Variants in AHR observed in about 807,000 individuals in gnomAD.
AHR encodes the protein AH-receptor.
In AHR, 40 loss-of-function variants were observed where a neutral mutation model predicts 86.8. The observed-to-expected ratio is 0.46, with a 90% CI of 0.36 to 0.60. AHR has a LOEUF of 0.60. Among genes scored for constraint, AHR ranks in the 20% least tolerant of loss-of-function variants. The pLI is 0.00. For missense variants in AHR, 1,001 were observed against 1,011.6 expected (o/e 0.99, Z 0.14); for synonymous variants, 398 against 354.9 (o/e 1.12, Z -1.37).
At chr7:17,341,060 C>T (rs922697962) in intron 10 of AHR, among the ~76,000 whole-genome samples, 6 of 151,634 alleles carry the variant, frequency 4.0e-5, no homozygotes, top group African/African-American at 1.5e-4. Context: ...ATGCTTTTTC[C>T]ATTAGAAAAT....
At chr7:17,338,913 C>G in intron 9 of AHR, 73 bp from the exon 10 acceptor site, 1 of 1,378,590 alleles carries the variant, frequency 7.3e-7, no homozygotes. Flanking sequence ...TTATGTTTTT[C>G]TTTTTTAAAT....
rs770109628 is a variant in AHR, at chr7:17,327,787, C to T, written c.389C>T (p.Thr130Ile). Residue 130 changes from threonine (T) to isoleucine (I), a missense_variant, in exon 4 of 11, where the codon ACT becomes ATT. Physicochemically the swap from Thr to Ile is moderately conservative, Grantham distance 89 (BLOSUM62 -1). Transcript: ENST00000242057. ...QALNGFVLVV[T>I]TDALVFYASS... Reference sequence around the variant, plus strand: ...CTGAATGGCTTTGTATTAGTTGTCACTACAGATGCTTTGGTCTTTTATGCT... The same window carrying T: ...CTGAATGGCTTTGTATTAGTTGTCATTACAGATGCTTTGGTCTTTTATGCT... 1 of 1,578,888 alleles carries T rather than the reference C, an allele frequency of 6.3e-7. No individual in the cohort carries two copies.
chr7:17,298,852 CCGCGGCGACGGTCACGGGG>C lies in AHR; in HGVS notation c.-405_-387del, dbSNP rs1364729998. On this transcript the variant is annotated 5_prime_UTR_variant, in exon 1 of 11. Transcript: ENST00000242057. ...GGCGGCACCTCCCTCACCCAAGGGG[CCGCGGCGACGGTCACGGGG>C]CGCGGCGCCACCGTGAGCGACCCAG... 1 of 398,820 alleles carries C rather than the reference CCGCGGCGACGGTCACGGGG, an allele frequency of 2.5e-6. No individual in the cohort carries two copies. Among genetic ancestry groups the C allele is most frequent in the African/African-American group, 2.1e-5 (1 of 48,588 alleles). The allele number at this position is 398,820 out of a possible 1,614,324, so 24.7% of individuals were successfully genotyped here.
rs763058807 is a variant in AHR at position 17,343,016 on chromosome 7, G to C, written c.2499G>C (p.Pro833=). ...CACATCTTCAGCCACTTCATCATCC[G>C]TCAGAAGCCAGACCTTTTCCTGATT... is the stretch of plus-strand genomic sequence containing the variant. ...TTTHLQPLHH[P]SEARPFPDLT... Residue 833 remains proline, a synonymous_variant, in exon 11 of 11, where the codon CCG becomes CCC. Transcript: ENST00000242057. 4.3e-6 allele frequency: 7 copies of C among 1,613,652 alleles called. No individual in the cohort carries two copies. The highest frequency in any genetic ancestry group is 2.2e-5 in the East Asian group (1 of 44,842).
chr7:17,325,122 A>G (rs1584036915), intron 3 of AHR, among the ~76,000 whole-genome samples: 2 of 152,336 alleles, frequency 1.3e-5, no homozygotes, highest in East Asian at 1.9e-4. Flanking sequence ...GATCTCTTTT[A>G]TTTAATTAGC....
chr7:17,336,078 T>C (rs1423039068), intron 9 of AHR: 2 of 242,808 alleles, frequency 8.2e-6, no homozygotes, highest in African/African-American at 4.6e-5. Context: ...AAGAAAAATA[T>C]AACAATGCTT....
At chr7:17,304,899 G>A (rs1296379481) in intron 1 of AHR, among the ~76,000 whole-genome samples, 1 of 151,980 alleles carries the variant, frequency 6.6e-6, no homozygotes, top group Non-Finnish European at 1.5e-5. Flanking sequence ...ATGCGGGTTC[G>A]AGGGGGAATA....
chr7:17,304,165 A>G (rs1334135076), intron 1 of AHR, among the ~76,000 whole-genome samples: 1 of 152,164 alleles, frequency 6.6e-6, no homozygotes, highest in Non-Finnish European at 1.5e-5. Flanking sequence ...AGTCAATTAT[A>G]TATGTGGCAC....
At chr7:17,325,986 A>G (rs981747042) in intron 3 of AHR, among the ~76,000 whole-genome samples, 3 of 152,160 alleles carry the variant, frequency 2.0e-5, no homozygotes, top group East Asian at 3.8e-4. Flanking sequence ...CCATGCACCA[A>G]TTTGGGATCG....
chr7:17,335,131 A>C (rs899597756), intron 8 of AHR, 135 bp downstream of exon 8: 27 of 566,400 alleles, frequency 4.8e-5, no homozygotes, highest in African/African-American at 1.9e-5. Flanking sequence ...TATCATTATG[A>C]TTAACCAGGG....
At chr7:17,303,603 C>A (rs1208664257) in intron 1 of AHR, among the ~76,000 whole-genome samples, 1 of 152,012 alleles carries the variant, frequency 6.6e-6, no homozygotes, top group Admixed American at 6.6e-5. Context: ...TTAAAGGCTG[C>A]ATAATACTCT....
intron 1 of AHR, among the ~76,000 whole-genome samples, chr7:17,302,261 G>T (rs1296228009): frequency 6.6e-6 from 1 of 152,002 alleles, no homozygotes; most frequent in Non-Finnish European, 1.5e-5. Context: ...AAGCCATTAT[G>T]AAGTGTCAGA....
chr7:17,307,883 C>T (rs570443119), intron 1 of AHR, among the ~76,000 whole-genome samples: 1 of 152,202 alleles, frequency 6.6e-6, no homozygotes, highest in African/African-American at 2.4e-5. Flanking sequence ...TCTCCTCTAT[C>T]TTGAACATTT....
rs1782444864 is a variant in AHR at position 17,343,197 on chromosome 7, C to G, written c.*133C>G. 1 of 1,099,092 alleles carries G rather than the reference C, an allele frequency of 9.1e-7. No homozygotes were observed. The highest frequency in any genetic ancestry group is 1.6e-5 in the African/African-American group (1 of 62,672). 68.1% of individuals were successfully genotyped at this position (1,099,092 alleles called of 1,614,324 possible). ...TGATGCATGCTATTCACAATTATTC[C>G]AAACCAAATTTTAATTTTTGCTTTT... On this transcript the variant is annotated 3_prime_UTR_variant, in exon 11 of 11. Coordinates refer to ENST00000242057, the MANE Select transcript of AHR (RefSeq NM_001621.5).
rs762230170 is a variant in AHR, at chr7:17,335,044, T to C, written c.1018+48T>C. On this transcript the variant is annotated intron_variant, in intron 8 of 10. Coordinates refer to ENST00000242057, the MANE Select transcript of AHR (RefSeq NM_001621.5). ...CATGTCAGAAGAAAACGGCATATAC[T>C]GTTGTACATGTTTCAAATTCTTACG... 2.3e-6 allele frequency: 3 copies of C among 1,327,602 alleles called. No individual in the cohort carries two copies. The African/African-American group carries it at 4.4e-5, about 19-fold the overall frequency. 82.2% of individuals were successfully genotyped at this position (1,327,602 alleles called of 1,614,324 possible). A position where few individuals can be genotyped will look rare whatever the true frequency, so the allele number is the denominator to read the frequency against.
chr7:17,310,179 G>T lies in AHR; in HGVS notation c.253+56G>T, dbSNP rs1453321782. 4.8e-6 allele frequency: 7 copies of T among 1,452,260 alleles called. No individual in the cohort carries two copies. In the East Asian group the frequency reaches 1.4e-4, roughly 28 times the overall value. The allele number at this position is 1,452,260 out of a possible 1,614,324, so 90.0% of individuals were successfully genotyped here. On this transcript the variant is annotated intron_variant, in intron 2 of 10. Transcript: ENST00000242057. ...TAACGTATAAAAAATACTTGTACTA[G>T]ATATAGCTGTTTCTGTGTTAATAAC... is the stretch of plus-strand genomic sequence containing the variant.
chr7:17,305,180 C>G (rs1781993054), intron 1 of AHR, among the ~76,000 whole-genome samples: 1 of 152,114 alleles, frequency 6.6e-6, no homozygotes, highest in South Asian at 2.1e-4. Context: ...CCAGAATTCT[C>G]AGAAGTTTTT....
chr7:17,335,566 A>G, intron 8 of AHR, 79 bp from the exon 9 acceptor site: 1 of 1,259,030 alleles, frequency 7.9e-7, no homozygotes, highest in East Asian at 2.6e-5. Context: ...GAACTATGTC[A>G]CAAGAGCTTT....
chr7:17,315,384 A>G (rs1782105140), intron 2 of AHR, among the ~76,000 whole-genome samples: 2 of 152,012 alleles, frequency 1.3e-5, no homozygotes, highest in African/African-American at 4.8e-5. Flanking sequence ...ACAGTGACAA[A>G]TATCTGAGAT....
Sources: gnomAD v4.1 joint callset for allele counts (sites outside exome capture counted in the v4.1 genomes callset) on GRCh38, gnomAD v4.1.1 for gene constraint, MANE v1.5 for transcripts, NCBI Gene and HGNC (gene_info 2026-07-23, HGNC 2026-07-21) for gene names.